Variants in OPA3 observed in about 807,000 individuals in gnomAD.
OPA3 encodes the protein outer mitochondrial membrane lipid metabolism regulator OPA3.
OPA3 carries 6 observed loss-of-function variants against 4.0 expected under a neutral mutation model. The observed-to-expected ratio is 1.51, with a 90% CI of 0.83 to 2.99. The LOEUF is 2.99. Among genes scored for constraint, OPA3 ranks in the 30% most tolerant of loss-of-function variants. The pLI is 0.00. For missense variants in OPA3, 235 were observed against 256.2 expected (o/e 0.92, Z 0.56); for synonymous variants, 105 against 117.1 (o/e 0.90, Z 0.67).
chr19:45,584,370 C>A, intron 1 of OPA3: 1 of 985,386 alleles, frequency 1.0e-6, no homozygotes, highest in Non-Finnish European at 1.2e-6. Flanking sequence ...CATCAGTCTC[C>A]AAGCGCTCTC....
intron 1 of OPA3, among the ~76,000 whole-genome samples, chr19:45,570,542 C>T (rs949691930): frequency 6.6e-6 from 1 of 152,062 alleles, no homozygotes; most frequent in Admixed American, 6.6e-5. Flanking sequence ...AAAAAATTAG[C>T]TGGGCATAAT....
At position 45,553,359 on chromosome 19, in the gene OPA3, T is replaced by C. The variant is rs1969365112; in HGVS notation, c.*155A>G. On this transcript the variant is annotated 3_prime_UTR_variant, in exon 2 of 2. Coordinates refer to ENST00000263275, the MANE Select transcript of OPA3 (RefSeq NM_025136.4). ...TTCACCTGCTGGTCCCAGTGGCAGG[T>C]AACGGCTGCTCTTATCAGCAGGGGT... is the stretch of plus-strand genomic sequence containing the variant. 2 of 1,516,092 alleles carry C rather than the reference T, an allele frequency of 1.3e-6. No homozygotes were observed. Among genetic ancestry groups the C allele is most frequent in the Non-Finnish European group, 8.8e-7 (1 of 1,136,510 alleles). The allele number at this position is 1,516,092 out of a possible 1,614,324, so 93.9% of individuals were successfully genotyped here. A position where few individuals can be genotyped will look rare whatever the true frequency, so the allele number is the denominator to read the frequency against.
Position 45,548,149 on chromosome 19 carries a change from G to A in OPA3, c.*5365C>T, listed in dbSNP as rs73568970. The A allele has an allele frequency of 1.1e-3, 1,069 of 985,776 alleles. 3 individuals are homozygous for A. In the African/African-American group the frequency reaches 0.018, roughly 16 times the overall value. 61.1% of individuals were successfully genotyped at this position (985,776 alleles called of 1,614,324 possible). The stretch of plus-strand genomic sequence containing the variant: ...GAGTTGCCATGCTTCTCCTCTCTCT[G>A]TCCACACCGACTCCAGCTACAAGCC... On this transcript the variant is annotated 3_prime_UTR_variant, in exon 2 of 2. Transcript: ENST00000263275.
chr19:45,565,186 A>T (rs1969564685), intron 1 of OPA3, among the ~76,000 whole-genome samples: 1 of 151,940 alleles, frequency 6.6e-6, no homozygotes, highest in Non-Finnish European at 1.5e-5. Context: ...GTGAGCCGAG[A>T]TGGTGCCACT....
Position 45,548,075 on chromosome 19 carries a change from T to C in OPA3, c.*5439A>G. On this transcript the variant is annotated 3_prime_UTR_variant, in exon 2 of 2. Transcript: ENST00000263275. ...GGGCCTCTGCTTGCTCCCAACTGGC[T>C]CCCAGCTACTAGAATGGAGCCTGGT... is the stretch of plus-strand genomic sequence containing the variant. The C allele has an allele frequency of 1.0e-6, 1 of 975,862 alleles. No homozygotes were observed. The highest frequency in any genetic ancestry group is 1.2e-6 in the Non-Finnish European group (1 of 821,258). 60.5% of individuals were successfully genotyped at this position (975,862 alleles called of 1,614,324 possible). A position where few individuals can be genotyped will look rare whatever the true frequency, so the allele number is the denominator to read the frequency against.
chr19:45,573,621 A>C (rs1312422117), intron 1 of OPA3, among the ~76,000 whole-genome samples: 1 of 152,168 alleles, frequency 6.6e-6, no homozygotes. Flanking sequence ...GGTCACACAG[A>C]AAGTGGCAGA....
intron 1 of OPA3, among the ~76,000 whole-genome samples, chr19:45,577,685 A>G (rs1052194830): frequency 6.6e-6 from 1 of 152,226 alleles, no homozygotes; most frequent in African/African-American, 2.4e-5. Context: ...ACCTTAACCA[A>G]GCGATCCAAA....
intron 1 of OPA3, among the ~76,000 whole-genome samples, chr19:45,583,568 C>G (rs1199748291): frequency 1.3e-5 from 2 of 152,158 alleles, no homozygotes; most frequent in Non-Finnish European, 2.9e-5. Flanking sequence ...ATGGCACAAT[C>G]TAGGCTCACT....
At position 45,549,965 on chromosome 19, in the gene OPA3, C is replaced by T. The variant is rs1358373836; in HGVS notation, c.*3549G>A. 1.2e-6 allele frequency: 1 copy of T among 805,598 alleles called. No individual in the cohort carries two copies. Among genetic ancestry groups the T allele is most frequent in the East Asian group, 1.3e-4 (1 of 7,928 alleles). 49.9% of individuals were successfully genotyped at this position (805,598 alleles called of 1,614,324 possible). ...CTGAGGTCAGGAGTTCAAGATCAGC[C>T]TGGGCAACTTGGAGAAACCCCGTCT... is the stretch of plus-strand genomic sequence containing the variant. On this transcript the variant is annotated 3_prime_UTR_variant, in exon 2 of 2. Transcript: ENST00000263275.
downstream of OPA3, among the ~76,000 whole-genome samples, chr19:45,542,957 T>G (rs538006019): frequency 4.2e-4 from 64 of 151,966 alleles, 1 homozygote; most frequent in African/African-American, 1.4e-3. Context: ...AGGTGTGAGC[T>G]ATCATGCCCA....
At chr19:45,540,068 C>T (rs10423694) in intron 1 of OPA3, among the ~76,000 whole-genome samples, 103,054 of 151,814 alleles carry the variant, frequency 0.68, 35,209 homozygotes, top group South Asian at 0.81. Flanking sequence ...CCTGTAATCC[C>T]AGCACTTTGG....
At chr19:45,561,379 A>G (rs1392902994) in intron 1 of OPA3, among the ~76,000 whole-genome samples, 1 of 152,088 alleles carries the variant, frequency 6.6e-6, no homozygotes, top group Non-Finnish European at 1.5e-5. Flanking sequence ...CTTCCCCACT[A>G]TTGGGAACAC....
chr19:45,580,249 C>T (rs536999281), intron 1 of OPA3, among the ~76,000 whole-genome samples: 88 of 151,314 alleles, frequency 5.8e-4, no homozygotes, highest in Non-Finnish European at 1.0e-3. Context: ...CCACCTTGGC[C>T]TCCCAAAGTG....
intron 1 of OPA3, among the ~76,000 whole-genome samples, chr19:45,563,352 G>T (rs534966204): frequency 1.3e-5 from 2 of 151,530 alleles, no homozygotes; most frequent in African/African-American, 4.9e-5. Context: ...TAGAGACGGG[G>T]TTTCACCGTG....
chr19:45,544,297 C>T (rs544765680), downstream of OPA3, among the ~76,000 whole-genome samples: 1 of 152,168 alleles, frequency 6.6e-6, no homozygotes, highest in African/African-American at 2.4e-5. Context: ...ACAACCCCAA[C>T]GTTCAACAGA....
chr19:45,529,271 G>A, exon 2 of OPA3: 1 of 1,613,946 alleles, frequency 6.2e-7, no homozygotes, highest in Non-Finnish European at 8.5e-7. Context: ...TTTTCCTTGC[G>A]GCGCTGCTGC....
At chr19:45,570,514 C>T (rs937718493) in intron 1 of OPA3, among the ~76,000 whole-genome samples, 1 of 151,990 alleles carries the variant, frequency 6.6e-6, no homozygotes, top group Non-Finnish European at 1.5e-5. Flanking sequence ...GAAACCCTAT[C>T]TCCAATAATA....
chr19:45,573,880 C>T (rs1183504111), intron 1 of OPA3, among the ~76,000 whole-genome samples: 3 of 152,104 alleles, frequency 2.0e-5, no homozygotes, highest in Admixed American at 6.6e-5. Flanking sequence ...GAAGGGATTC[C>T]GGCTGGGTGC....
In OPA3 at chr19:45,549,449, G is replaced by A. The variant is rs184285761; in HGVS notation, c.*4065C>T. 2.9e-5 allele frequency: 29 copies of A among 985,208 alleles called. No individual in the cohort carries two copies. The highest frequency in any genetic ancestry group is 5.2e-5 in the African/African-American group (3 of 57,278). The allele number at this position is 985,208 out of a possible 1,614,324, so 61.0% of individuals were successfully genotyped here. A position where few individuals can be genotyped will look rare whatever the true frequency, so the allele number is the denominator to read the frequency against. On this transcript the variant is annotated 3_prime_UTR_variant, in exon 2 of 2. Coordinates refer to ENST00000263275, the MANE Select transcript of OPA3 (RefSeq NM_025136.4). ...TGGGTCAGGACAGCGCTGGGGTCAG[G>A]AATTGGAGCTCCTGCCTGTGTTCAC...
Sources: allele counts gnomAD v4.1 joint callset (sites outside exome capture counted in the v4.1 genomes callset), GRCh38; gene constraint gnomAD v4.1.1; transcripts MANE v1.5; gene names NCBI Gene and HGNC (gene_info 2026-07-23, HGNC 2026-07-21).